The following ADGRL3 variants were observed in gnomAD, a reference collection of about 807,000 sequenced individuals.
ADGRL3 encodes the protein adhesion G protein-coupled receptor L3, also known as calcium-independent alpha-latrotoxin receptor 3.
ADGRL3 carries 62 observed loss-of-function variants against 153.5 expected under a neutral mutation model. That is an observed-to-expected ratio of 0.40 (90% CI 0.33 to 0.50). The LOEUF (loss-of-function observed/expected upper bound fraction) is 0.50, where lower values mean the gene tolerates loss of function less well. Among genes scored for constraint, ADGRL3 ranks in the 20% least tolerant of loss-of-function variants. The pLI is 0.47. For synonymous variants in ADGRL3, 710 were observed against 672.5 expected (o/e 1.06, Z -0.86); for missense variants, 1,641 against 1,859.4 (o/e 0.88, Z 2.16).
At chr4:61,465,777 A>ATC (rs1553936179) in intron 2 of ADGRL3, among the ~76,000 whole-genome samples, 2 of 145,432 alleles carry the variant, frequency 1.4e-5, no homozygotes, top group African/African-American at 5.0e-5. Flanking sequence ...ATATATATAT[A>ATC]TCTTATATGG....
At chr4:61,904,100 GT>G (rs555720456) in intron 11 of ADGRL3, among the ~76,000 whole-genome samples, 1 of 145,490 alleles carries the variant, frequency 6.9e-6, no homozygotes. Context: ...TTTCACTTCA[GT>G]TTTTTTCCTT....
intron 1 of ADGRL3, among the ~76,000 whole-genome samples, chr4:61,220,605 G>T (rs140853063): frequency 6.6e-6 from 1 of 152,126 alleles, no homozygotes; most frequent in African/African-American, 2.4e-5. Flanking sequence ...GTAGAAAAAG[G>T]GAGTGGAACA....
chr4:61,996,823 A>C (rs2099123306), intron 20 of ADGRL3, among the ~76,000 whole-genome samples: 1 of 152,174 alleles, frequency 6.6e-6, no homozygotes, highest in Non-Finnish European at 1.5e-5. Context: ...TTAACATTTT[A>C]CTTGAGAATG....
intron 17 of ADGRL3, among the ~76,000 whole-genome samples, chr4:61,955,892 T>C (rs1368924777): frequency 6.6e-6 from 1 of 152,202 alleles, no homozygotes; most frequent in Non-Finnish European, 1.5e-5. Flanking sequence ...CTGCATAGTA[T>C]TTCATGGTGC....
intron 11 of ADGRL3, among the ~76,000 whole-genome samples, chr4:61,904,330 G>A (rs2098684370): frequency 1.3e-5 from 2 of 151,812 alleles, no homozygotes; most frequent in Admixed American, 6.6e-5. Flanking sequence ...GCTATTTTTT[G>A]TAGAGATGGG....
intron 2 of ADGRL3, among the ~76,000 whole-genome samples, chr4:61,468,397 T>A (rs1194773122): frequency 6.6e-6 from 1 of 152,076 alleles, no homozygotes; most frequent in South Asian, 2.1e-4. Flanking sequence ...TAGAGAAGGA[T>A]CTCTTTTTTC....
At chr4:61,738,492 T>C (rs2096545015) in intron 8 of ADGRL3, among the ~76,000 whole-genome samples, 1 of 152,180 alleles carries the variant, frequency 6.6e-6, no homozygotes, top group South Asian at 2.1e-4. Flanking sequence ...TTAAGGAATC[T>C]CTACACTGTT....
intron 17 of ADGRL3, among the ~76,000 whole-genome samples, chr4:61,955,689 C>G (rs1287992826): frequency 2.6e-5 from 4 of 152,130 alleles, no homozygotes; most frequent in Non-Finnish European, 4.4e-5. Context: ...TTCCCTCACC[C>G]CCCAATCCCA....
At chr4:61,984,909 C>T (rs749583769) in intron 19 of ADGRL3, among the ~76,000 whole-genome samples, 1 of 151,898 alleles carries the variant, frequency 6.6e-6, no homozygotes, top group Admixed American at 6.6e-5. Context: ...TATTAACTTA[C>T]GTGATAATCA....
chr4:62,013,313 T>A (rs1412726958), intron 21 of ADGRL3, among the ~76,000 whole-genome samples: 2 of 151,978 alleles, frequency 1.3e-5, no homozygotes, highest in Non-Finnish European at 2.9e-5. Flanking sequence ...GGAGGGCAGA[T>A]CATCTGATGT....
intron 4 of ADGRL3, among the ~76,000 whole-genome samples, chr4:61,534,157 T>C (rs1369926361): frequency 1.3e-5 from 2 of 152,190 alleles, no homozygotes; most frequent in African/African-American, 2.4e-5. Context: ...TTCATTTTTC[T>C]GCATATGGCT....
chr4:61,259,186 A>G (rs1244998517), intron 1 of ADGRL3, among the ~76,000 whole-genome samples: 1 of 152,122 alleles, frequency 6.6e-6, no homozygotes, highest in Non-Finnish European at 1.5e-5. Flanking sequence ...GCACTTTGGG[A>G]GGCCGAGGCG....
chr4:61,800,801 T>A (rs936456325), intron 8 of ADGRL3, among the ~76,000 whole-genome samples: 2 of 152,210 alleles, frequency 1.3e-5, no homozygotes, highest in African/African-American at 4.8e-5. Flanking sequence ...AAGATTATCA[T>A]GAAAATGATC....
chr4:61,739,773 T>C (rs1040675120), intron 8 of ADGRL3, among the ~76,000 whole-genome samples: 5 of 152,132 alleles, frequency 3.3e-5, no homozygotes, highest in African/African-American at 1.2e-4. Flanking sequence ...GTTGTGAGCT[T>C]TGGTAATCTA....
At chr4:61,910,428 A>G (rs992830288) in intron 12 of ADGRL3, among the ~76,000 whole-genome samples, 1 of 149,104 alleles carries the variant, frequency 6.7e-6, no homozygotes, top group African/African-American at 2.5e-5. Flanking sequence ...TTTCATTTAT[A>G]TTTACATAAA....
chr4:61,329,860 A>T (rs964729714), intron 1 of ADGRL3, among the ~76,000 whole-genome samples: 3 of 152,194 alleles, frequency 2.0e-5, no homozygotes, highest in African/African-American at 7.2e-5. Context: ...TTTGAGTTGT[A>T]TGAGCAAATA....
chr4:61,336,365 T>G (rs2095674070), intron 1 of ADGRL3, among the ~76,000 whole-genome samples: 2 of 152,142 alleles, frequency 1.3e-5, no homozygotes, highest in South Asian at 4.1e-4. Context: ...TTATCCACAC[T>G]CCATATGGAT....
At chr4:61,847,830 A>AATATATG (rs1382950552) in intron 9 of ADGRL3, among the ~76,000 whole-genome samples, 1 of 16,198 alleles carries the variant, frequency 6.2e-5, no homozygotes, top group African/African-American at 1.7e-4. Flanking sequence ...TATAATATAA[A>AATATATG]ATATATATAT....
chr4:61,554,488 GC>G, intron 4 of ADGRL3, among the ~76,000 whole-genome samples: 1 of 152,088 alleles, frequency 6.6e-6, no homozygotes, highest in South Asian at 2.1e-4. Flanking sequence ...GAGCCACTGC[GC>G]CCGGCCTAGG....
Sources: gnomAD v4.1 joint callset for allele counts (sites outside exome capture counted in the v4.1 genomes callset) on GRCh38, gnomAD v4.1.1 for gene constraint, MANE v1.5 for transcripts, NCBI Gene and HGNC (gene_info 2026-07-23, HGNC 2026-07-21) for gene names.